LRIG3: variants seen among roughly 807,000 people sequenced by gnomAD.
LRIG3 encodes leucine-rich repeats and immunoglobulin-like domains protein 3.
Under a neutral mutation model 114.5 loss-of-function variants are expected in LRIG3, and 76 were observed. The ratio of observed to expected loss-of-function variants is 0.66; its 90% CI spans 0.55 to 0.80. The LOEUF (loss-of-function observed/expected upper bound fraction) is 0.80. LRIG3 is among the 30% of genes least tolerant of loss of function. The pLI, the probability that LRIG3 is intolerant of heterozygous loss-of-function variation, is 0.00. For missense variants in LRIG3, 1,239 were observed against 1,382.8 expected, an observed-to-expected ratio of 0.90 and a Z score of 1.65; for synonymous variants, 512 against 519.8, an observed-to-expected ratio of 0.98 and a Z score of 0.20.
chr12:58,918,183 T>C (rs944565544), intron 1 of LRIG3, among the ~76,000 whole-genome samples: 1 of 152,240 alleles, frequency 6.6e-6, no homozygotes, highest in Non-Finnish European at 1.5e-5. Context: ...TATTTTCACA[T>C]ACATTTAAGG....
intron 3 of LRIG3, among the ~76,000 whole-genome samples, chr12:58,902,714 C>G (rs1229189354): frequency 7.3e-6 from 1 of 136,204 alleles, no homozygotes; most frequent in Non-Finnish European, 1.6e-5. Context: ...TGCTATCCCT[C>G]CTCCCTCCCC....
chr12:58,900,527 T>C (rs929972940), intron 3 of LRIG3, among the ~76,000 whole-genome samples: 4 of 152,196 alleles, frequency 2.6e-5, no homozygotes, highest in African/African-American at 9.6e-5. Context: ...ACGCCTTCTA[T>C]AGAAATTCAA....
intron 1 of LRIG3, chr12:58,919,598 C>T (rs969102862): frequency 6.6e-7 from 1 of 1,524,346 alleles, no homozygotes; most frequent in Non-Finnish European, 8.8e-7. Flanking sequence ...AAAACTGAAC[C>T]AGACTCATAA....
chr12:58,877,647 C>G lies in LRIG3; in HGVS notation c.2289G>C (p.Gly763=). ...TGTTAGACATCTCACATGTGTATTT[C>G]CCAGCATCACTGACATCTGAGTCCA... The part of the protein sequence containing the change: ...IIVDSDVSDA[G]KYTCEMSNTL... The change falls in exon 15 of 19, where the codon GGG becomes GGC. Residue 763 remains glycine, a synonymous_variant. Transcript: ENST00000320743. 1 of 1,614,184 alleles carries G rather than the reference C, an allele frequency of 6.2e-7. No individual in the cohort carries two copies. Among genetic ancestry groups the G allele is most frequent in the Non-Finnish European group, 8.5e-7 (1 of 1,180,044 alleles).
rs564492631 is a variant in LRIG3 at position 58,875,002 on chromosome 12, C to T, written c.2696-429G>A. 9.9e-4 allele frequency among the ~76,000 whole-genome samples: 151 copies of T among 152,322 alleles called. 1 individual carries two copies. Among genetic ancestry groups the T allele is most frequent in the African/African-American group, 3.2e-3 (133 of 41,568 alleles). On this transcript the variant is annotated intron_variant, in intron 16 of 18. Coordinates refer to ENST00000320743, the MANE Select transcript of LRIG3 (RefSeq NM_153377.5). ...CTGAACCAAACAACACAGAAATATACGCCATTTACTGCTGGACACAGCAGG... is the reference window on the plus strand; with the variant it reads ...CTGAACCAAACAACACAGAAATATATGCCATTTACTGCTGGACACAGCAGG...
rs965629914 is a variant in LRIG3 at position 58,920,245 on chromosome 12, G to A, written c.-10C>T. ...GGCTCGGCGCGCTCATCGCGGTCCA[G>A]CGGCCTAGGTCTCTACCCGAAGCTC... is the stretch of plus-strand genomic sequence containing the variant. On this transcript the variant is annotated 5_prime_UTR_variant, in exon 1 of 19. Coordinates refer to ENST00000320743, the MANE Select transcript of LRIG3 (RefSeq NM_153377.5). The A allele has an allele frequency of 7.3e-6, 10 of 1,376,266 alleles. No individual in the cohort carries two copies. The highest frequency in any genetic ancestry group is 4.6e-5 in the African/African-American group (3 of 64,990). The allele number at this position is 1,376,266 out of a possible 1,614,324, so 85.3% of individuals were successfully genotyped here. A position where few individuals can be genotyped will look rare whatever the true frequency, so the allele number is the denominator to read the frequency against.
At chr12:58,895,298 G>A (rs912612644) in intron 3 of LRIG3, among the ~76,000 whole-genome samples, 1 of 152,166 alleles carries the variant, frequency 6.6e-6, no homozygotes, top group African/African-American at 2.4e-5. Context: ...AAGGAGGAGT[G>A]GGCAGTGGAA....
chr12:58,915,589 T>A (rs1218796868), intron 1 of LRIG3, among the ~76,000 whole-genome samples: 1 of 152,198 alleles, frequency 6.6e-6, no homozygotes, highest in African/African-American at 2.4e-5. Flanking sequence ...TGAAGTATGT[T>A]TGCCCAAAGA....
Position 58,919,942 on chromosome 12 carries a change from C to T in LRIG3, c.236+58G>A, listed in dbSNP as rs1409690983. ...GCCGAACCCCATTCCCCGCCGGCTC[C>T]TGTTTTCTCGAATCTCCAGCGGCCC... On this transcript the variant is annotated intron_variant, in intron 1 of 18. Coordinates refer to ENST00000320743, the MANE Select transcript of LRIG3 (RefSeq NM_153377.5). 5.4e-6 allele frequency: 8 copies of T among 1,487,632 alleles called. No homozygotes were observed. In the East Asian group the frequency reaches 1.5e-4, roughly 28 times the overall value. 92.2% of individuals were successfully genotyped at this position (1,487,632 alleles called of 1,614,324 possible). A position where few individuals can be genotyped will look rare whatever the true frequency, so the allele number is the denominator to read the frequency against.
At chr12:58,904,681 C>T (rs146363052) in intron 3 of LRIG3, among the ~76,000 whole-genome samples, 31 of 152,182 alleles carry the variant, frequency 2.0e-4, no homozygotes, top group African/African-American at 6.5e-4. Flanking sequence ...TTAAGGAAAA[C>T]AATGGAGACA....
intron 8 of LRIG3, chr12:58,887,179 C>T (rs1159493353): frequency 6.3e-6 from 2 of 315,820 alleles, no homozygotes; most frequent in Non-Finnish European, 1.2e-5. Flanking sequence ...CTGAAAAATA[C>T]ATTAAACTTT....
chr12:58,877,389 T>C lies in LRIG3; in HGVS notation c.2536+11A>G, dbSNP rs1290146821. 6.2e-7 allele frequency: 1 copy of C among 1,610,564 alleles called. No individual in the cohort carries two copies. Among genetic ancestry groups the C allele is most frequent in the East Asian group, 2.2e-5 (1 of 44,818 alleles). ...ACTCCGGTGACCTGTGCCAAGCTTC[T>C]GTTTACACACCTGTGTTGGTAATGC... On this transcript the variant is annotated intron_variant, in intron 15 of 18. Coordinates refer to ENST00000320743, the MANE Select transcript of LRIG3 (RefSeq NM_153377.5).
Position 58,880,852 on chromosome 12 carries a change from T to A in LRIG3, c.1530A>T (p.Ala510=). The A allele has an allele frequency of 1.2e-6, 2 of 1,614,126 alleles. No individual in the cohort carries two copies. The highest frequency in any genetic ancestry group is 1.7e-6 in the Non-Finnish European group (2 of 1,179,962). ...TGAAACTCAAATTGGAACCTTTTAT[T>A]GCCGACTGTGTTTCTGGCTGAACCG... ...QITVQPETQS[A]IKGSNLSFIC... is the part of the protein sequence containing the mutation. Residue 510 remains alanine, a synonymous_variant, in exon 13 of 19, where the codon GCA becomes GCT. Coordinates refer to ENST00000320743, the MANE Select transcript of LRIG3 (RefSeq NM_153377.5).
intron 3 of LRIG3, among the ~76,000 whole-genome samples, chr12:58,908,729 TAGA>T (rs934637008): frequency 2.0e-5 from 3 of 152,204 alleles, no homozygotes; most frequent in African/African-American, 7.2e-5. Context: ...ACTAAGTGTA[TAGA>T]AGGAGATCTG....
At chr12:58,885,958 A>G in intron 9 of LRIG3, 56 bp from the exon 10 acceptor site, 3 of 1,114,846 alleles carry the variant, frequency 2.7e-6, no homozygotes, top group Non-Finnish European at 3.9e-6. Context: ...TTGGGGTGGA[A>G]CTCTCATAAA....
chr12:58,874,122 G>A lies in LRIG3; in HGVS notation c.3048C>T (p.Asn1016=). The A allele has an allele frequency of 6.2e-7, 1 of 1,614,208 alleles. No homozygotes were observed. The highest frequency in any genetic ancestry group is 1.1e-5 in the South Asian group (1 of 91,082). ...TTGCACTAAAATCTAAAGAGGACTTGTTTAGACACAGATTTTTCATTCCAG... is the reference window on the plus strand; with the variant it reads ...TTGCACTAAAATCTAAAGAGGACTTATTTAGACACAGATTTTTCATTCCAG... ...EGPGMKNLCL[N]KSSLDFSANP... Residue 1016 remains asparagine, a synonymous_variant, in exon 18 of 19, where the codon AAC becomes AAT. Coordinates refer to ENST00000320743, the MANE Select transcript of LRIG3 (RefSeq NM_153377.5).
At chr12:58,902,806 G>A (rs1871912104) in intron 3 of LRIG3, among the ~76,000 whole-genome samples, 1 of 144,354 alleles carries the variant, frequency 6.9e-6, no homozygotes, top group Non-Finnish European at 1.5e-5. Context: ...ATCTATGAGT[G>A]AGAACATGCA....
At chr12:58,880,029 A>G (rs998386980) in intron 13 of LRIG3, among the ~76,000 whole-genome samples, 3 of 152,164 alleles carry the variant, frequency 2.0e-5, no homozygotes, top group African/African-American at 7.2e-5. Flanking sequence ...ACGGTGGCTC[A>G]CACCTGTAAT....
Position 58,874,343 on chromosome 12 carries a change from G to A in LRIG3, c.2840-13C>T, listed in dbSNP as rs779881279. 2 of 1,606,584 alleles carry A rather than the reference G, an allele frequency of 1.2e-6. No homozygotes were observed. The highest frequency in any genetic ancestry group is 2.2e-5 in the East Asian group (1 of 44,806). Reference sequence around the variant, plus strand: ...TCAGGACTGCAACCTTTTTAATATGGGGGCAGTAACAGAAGGAGATTACAG... The same window carrying A: ...TCAGGACTGCAACCTTTTTAATATGAGGGCAGTAACAGAAGGAGATTACAG... On this transcript the variant is annotated splice_polypyrimidine_tract_variant and intron_variant, in intron 17 of 18. Coordinates refer to ENST00000320743, the MANE Select transcript of LRIG3 (RefSeq NM_153377.5).
Sources: gnomAD v4.1 joint callset for allele counts (sites outside exome capture counted in the v4.1 genomes callset) on GRCh38, gnomAD v4.1.1 for gene constraint, MANE v1.5 for transcripts, NCBI Gene and HGNC (gene_info 2026-07-23, HGNC 2026-07-21) for gene names.